Variants in KCNJ10 observed in about 807,000 individuals in gnomAD.
KCNJ10 encodes ATP-sensitive inward rectifier potassium channel 10.
KCNJ10 carries 9 observed loss-of-function variants against 22.2 expected under a neutral mutation model. That is an observed-to-expected ratio of 0.40 (90% CI 0.24 to 0.71). The LOEUF is 0.71. KCNJ10 is among the 30% of genes least tolerant of loss of function. KCNJ10 has a pLI of 0.35. For synonymous variants in KCNJ10, 184 were observed against 187.3 expected (o/e 0.98, Z 0.15); for missense variants, 337 against 482.7 (o/e 0.70, Z 2.83).
intron 1 of KCNJ10, among the ~76,000 whole-genome samples, chr1:160,055,301 G>C (rs1296776884): frequency 6.6e-5 from 10 of 152,106 alleles, no homozygotes; most frequent in Admixed American, 6.5e-4. Flanking sequence ...GGGGGGGCAG[G>C]GGGCAGTTAA....
intron 1 of KCNJ10, among the ~76,000 whole-genome samples, chr1:160,046,928 A>G (rs1648755463): frequency 6.6e-6 from 1 of 152,228 alleles, no homozygotes; most frequent in Non-Finnish European, 1.5e-5. Flanking sequence ...AATTCTGAAG[A>G]CCAGCCTGAG....
rs139802199 is a variant in KCNJ10 at position 160,046,230 on chromosome 1, T to C, written c.1-3698A>G. ...AAAGCCTTGCTTATCATTCCCAAAA[T>C]ATTAGTCTATAATTCCTTCTCACTT... On this transcript the variant is annotated intron_variant, in intron 1 of 1. Coordinates refer to ENST00000644903, the MANE Select transcript of KCNJ10 (RefSeq NM_002241.5). Among the ~76,000 whole-genome samples the C allele has an allele frequency of 9.7e-4, 148 of 152,316 alleles. 1 individual carries two copies. The highest frequency in any genetic ancestry group is 3.5e-3 in the African/African-American group (144 of 41,566).
chr1:160,043,537 A>G (rs1325154063), intron 1 of KCNJ10, among the ~76,000 whole-genome samples: 4 of 152,236 alleles, frequency 2.6e-5, no homozygotes, highest in African/African-American at 9.6e-5. Flanking sequence ...AGTGTTAGGA[A>G]GAGTACAGAT....
chr1:160,041,994 C>T lies in KCNJ10; in HGVS notation c.539G>A (p.Arg180His), dbSNP rs1131691880. Residue 180 changes from arginine (R) to histidine (H), a missense_variant, in exon 2 of 2, where the codon CGT becomes CAT. Arg to His is a conservative substitution (Grantham distance 29, BLOSUM62 0). Coordinates refer to ENST00000644903, the MANE Select transcript of KCNJ10 (RefSeq NM_002241.5). The surrounding 1 kb of genome is among the most constrained non-coding windows in gnomAD (Gnocchi z 4.4). ...ARPKKRAETIRFSQHAVVASH... is the reference protein window; with the variant it reads ...ARPKKRAETIHFSQHAVVASH... ...GGCCACAACTGCATGCTGGCTGAAA[C>T]GAATGGTCTCAGCCCGCTTCTTGGG... 1.9e-6 allele frequency: 3 copies of T among 1,587,722 alleles called. No individual in the cohort carries two copies. Among genetic ancestry groups the T allele is most frequent in the South Asian group, 1.2e-5 (1 of 85,810 alleles).
At chr1:160,048,137 ACT>A (rs1221944499) in intron 1 of KCNJ10, among the ~76,000 whole-genome samples, 1 of 150,580 alleles carries the variant, frequency 6.6e-6, no homozygotes, top group East Asian at 2.0e-4. Flanking sequence ...AAGACCACTG[ACT>A]CTGCCTTTCA....
intron 1 of KCNJ10, among the ~76,000 whole-genome samples, chr1:160,065,449 C>G (rs1355102946): frequency 6.6e-6 from 1 of 152,078 alleles, no homozygotes; most frequent in Non-Finnish European, 1.5e-5. Context: ...TAGAGGAAAC[C>G]CCCGGCTAAT....
At chr1:160,061,527 T>C (rs1260668009) in intron 1 of KCNJ10, among the ~76,000 whole-genome samples, 1 of 151,934 alleles carries the variant, frequency 6.6e-6, no homozygotes, top group Non-Finnish European at 1.5e-5. Context: ...GAGGCAGGAA[T>C]GGGAGCATTG....
In KCNJ10 at chr1:160,038,639, C is replaced by G. The variant is rs1027968987; in HGVS notation, c.*2754G>C. The G allele has an allele frequency of 5.9e-5, 9 of 152,136 alleles. No individual in the cohort carries two copies. Among genetic ancestry groups the G allele is most frequent in the Admixed American group, 2.0e-4 (3 of 15,266 alleles). The allele number at this position is 152,136 out of a possible 1,614,324, so 9.4% of individuals were successfully genotyped here. ...TCTGAATATTTCCTTTCTGTACATT[C>G]AATATATTTGGGCATATATACATCT... On this transcript the variant is annotated 3_prime_UTR_variant, in exon 2 of 2. Transcript: ENST00000644903.
intron 1 of KCNJ10, among the ~76,000 whole-genome samples, chr1:160,048,478 G>C (rs1207442090): frequency 6.6e-6 from 1 of 152,196 alleles, no homozygotes; most frequent in Non-Finnish European, 1.5e-5. Flanking sequence ...TGCTAAATTA[G>C]GTGACTAGAG....
chr1:160,046,704 C>T (rs1648748913), intron 1 of KCNJ10, among the ~76,000 whole-genome samples: 1 of 152,164 alleles, frequency 6.6e-6, no homozygotes, highest in African/African-American at 2.4e-5. Flanking sequence ...GCTTTGTTCT[C>T]TGCGGTGGCC....
chr1:160,046,767 G>A (rs1438771943), intron 1 of KCNJ10, among the ~76,000 whole-genome samples: 3 of 152,140 alleles, frequency 2.0e-5, no homozygotes, highest in Admixed American at 1.3e-4. Flanking sequence ...AGCTGGCCAG[G>A]CCCCTGGGGA....
chr1:160,050,569 G>T (rs1648878245), intron 1 of KCNJ10, among the ~76,000 whole-genome samples: 2 of 152,164 alleles, frequency 1.3e-5, no homozygotes, highest in Admixed American at 6.5e-5. Flanking sequence ...TGTAAAACAG[G>T]CAGGAAGTGA....
intron 1 of KCNJ10, among the ~76,000 whole-genome samples, chr1:160,061,010 G>T (rs1294937785): frequency 6.6e-6 from 1 of 152,072 alleles, no homozygotes. Context: ...GTAGTGCAAG[G>T]GTCAAAGTGA....
chr1:160,065,625 G>T (rs755739915), intron 1 of KCNJ10, among the ~76,000 whole-genome samples: 5 of 152,196 alleles, frequency 3.3e-5, no homozygotes, highest in African/African-American at 9.7e-5. Flanking sequence ...AGAGTGTGGG[G>T]AGGAGCATGG....
chr1:160,052,487 T>G (rs1441947873), intron 1 of KCNJ10, among the ~76,000 whole-genome samples: 1 of 152,214 alleles, frequency 6.6e-6, no homozygotes, highest in Non-Finnish European at 1.5e-5. Context: ...GAGCCCTGTA[T>G]GCAGTAGAGG....
intron 1 of KCNJ10, among the ~76,000 whole-genome samples, chr1:160,049,502 G>A (rs538956142): frequency 6.6e-6 from 1 of 151,266 alleles, no homozygotes; most frequent in East Asian, 2.0e-4. Context: ...CCTCTTCCAT[G>A]AAGCCTTCTC....
At chr1:160,069,616 T>G (rs1283418770) in intron 1 of KCNJ10, among the ~76,000 whole-genome samples, 14 of 138,414 alleles carry the variant, frequency 1.0e-4, no homozygotes, top group African/African-American at 1.9e-4. Flanking sequence ...GTATGGGGAG[T>G]GGGGGAGGGG....
intron 1 of KCNJ10, among the ~76,000 whole-genome samples, chr1:160,049,689 A>ATATATATATATATATATT (rs1648847357): frequency 9.2e-6 from 1 of 108,586 alleles, no homozygotes; most frequent in African/African-American, 3.8e-5. Context: ...ATATATATAT[A>ATATATATATATATATATT]TATATATATA....
chr1:160,059,110 C>T (rs940834672), intron 1 of KCNJ10, among the ~76,000 whole-genome samples: 2 of 152,136 alleles, frequency 1.3e-5, no homozygotes, highest in African/African-American at 2.4e-5. Flanking sequence ...CTCAGATGAA[C>T]GGGTGGAAAC....
Sources: allele counts gnomAD v4.1 joint callset (sites outside exome capture counted in the v4.1 genomes callset), GRCh38; gene constraint gnomAD v4.1.1; non-coding constraint Gnocchi (gnomAD v3.1); transcripts MANE v1.5; gene names NCBI Gene and HGNC (gene_info 2026-07-23, HGNC 2026-07-21).